C11orf65: variants seen among roughly 807,000 people sequenced by gnomAD.
C11orf65 encodes chromosome 11 open reading frame 65.
A neutral mutation model predicts 35.3 loss-of-function variants in C11orf65; 38 were observed. The ratio of observed to expected loss-of-function variants is 1.08; its 90% CI spans 0.83 to 1.41. C11orf65 has a LOEUF of 1.41. Among genes scored for constraint, C11orf65 ranks in the 40% most tolerant of loss-of-function variants. The pLI is 0.00. For missense variants in C11orf65, 370 were observed against 367.1 expected (o/e 1.01, Z -0.06); for synonymous variants, 105 against 114.4 (o/e 0.92, Z 0.53).
At chr11:108,324,689 A>C (rs2085480969) in intron 6 of C11orf65, among the ~76,000 whole-genome samples, 1 of 152,000 alleles carries the variant, frequency 6.6e-6, no homozygotes, top group African/African-American at 2.4e-5. Flanking sequence ...CCTCTTTCTT[A>C]TTTCTTTCAA....
chr11:108,385,856 C>A (rs1052375169), intron 8 of C11orf65, 64 bp downstream of exon 8: 9 of 1,296,252 alleles, frequency 6.9e-6, no homozygotes, highest in Non-Finnish European at 7.8e-6. Context: ...CCTAGAAATA[C>A]GTGTGTGGAA....
At chr11:108,354,266 A>G (rs571473698) in intron 2 of C11orf65, among the ~76,000 whole-genome samples, 1 of 152,286 alleles carries the variant, frequency 6.6e-6, no homozygotes, top group South Asian at 2.1e-4. Flanking sequence ...TGTTATTCCA[A>G]ACCTCCTCTG....
Position 108,325,538 on chromosome 11 carries a change from C to T in C11orf65, c.641-16467G>A, listed in dbSNP as rs1591130210. On this transcript the variant is annotated intron_variant, in intron 6 of 6. Coordinates refer to the C11orf65 transcript ENST00000525729. The stretch of plus-strand genomic sequence containing the variant: ...CTATACTGGCCAGAACTTTCAAGAA[C>T]ACTCAGGTAAATACAATTTAAAACT... The T allele has an allele frequency of 2.5e-6, 4 of 1,598,316 alleles. No individual in the cohort carries two copies. The highest frequency in any genetic ancestry group is 2.6e-6 in the Non-Finnish European group (3 of 1,168,036).
At chr11:108,388,121 G>C (rs2092056777) in intron 7 of C11orf65, among the ~76,000 whole-genome samples, 1 of 152,168 alleles carries the variant, frequency 6.6e-6, no homozygotes, top group South Asian at 2.1e-4. Flanking sequence ...ACACAGAAAA[G>C]ACTTTCATTC....
At chr11:108,461,597 T>C in intron 1 of C11orf65, 29 bp from the exon 2 acceptor site, 1 of 1,253,346 alleles carries the variant, frequency 8.0e-7, no homozygotes, top group Non-Finnish European at 1.1e-6. Context: ...AAAGGGTACA[T>C]TTAAAATAAT....
At chr11:108,442,957 C>T (rs1003036172) in intron 2 of C11orf65, among the ~76,000 whole-genome samples, 4 of 152,160 alleles carry the variant, frequency 2.6e-5, no homozygotes, top group Non-Finnish European at 4.4e-5. Flanking sequence ...GGATCAAATT[C>T]ACATATAATA....
At chr11:108,324,056 GA>G (rs10708230) in intron 6 of C11orf65, among the ~76,000 whole-genome samples, 151,301 of 152,066 alleles carry the variant, frequency 0.99, 75,279 homozygotes, top group Middle Eastern at 1. Flanking sequence ...AAAAATATTT[GA>G]AAAAAAAATT....
At chr11:108,419,958 C>G (rs2092791601) in intron 3 of C11orf65, among the ~76,000 whole-genome samples, 1 of 152,018 alleles carries the variant, frequency 6.6e-6, no homozygotes, top group South Asian at 2.1e-4. Flanking sequence ...AAGGCAAAAA[C>G]AAAACTCATT....
rs763287238 is a variant in C11orf65, at chr11:108,326,230, GT to G, written c.641-17160del. The G allele has an allele frequency of 7.4e-6, 12 of 1,610,744 alleles. No individual in the cohort carries two copies. The highest frequency in any genetic ancestry group is 6.7e-5 in the African/African-American group (5 of 74,814). Reference sequence around the variant, plus strand: ...TTGGATGCCAGCTGTGCAGCGGTTTGTTTTTTTTATTGGCTGGATTAGTGTT... The same window carrying G: ...TTGGATGCCAGCTGTGCAGCGGTTTGTTTTTTTATTGGCTGGATTAGTGTT... On this transcript the variant is annotated intron_variant, in intron 6 of 6. Coordinates refer to the C11orf65 transcript ENST00000525729.
At chr11:108,392,521 A>G (rs1026194216) in intron 7 of C11orf65, among the ~76,000 whole-genome samples, 1 of 152,110 alleles carries the variant, frequency 6.6e-6, no homozygotes, top group East Asian at 1.9e-4. Context: ...TCTTGGGTAT[A>G]TATCTAGGAG....
At chr11:108,433,240 T>A (rs1408462564) in intron 2 of C11orf65, among the ~76,000 whole-genome samples, 3 of 148,956 alleles carry the variant, frequency 2.0e-5, no homozygotes, top group East Asian at 2.0e-4. Context: ...TAAAAAAAAA[T>A]TTATATATAT....
chr11:108,427,796 T>G (rs904862920), intron 3 of C11orf65, among the ~76,000 whole-genome samples: 1 of 139,558 alleles, frequency 7.2e-6, no homozygotes, highest in Non-Finnish European at 1.5e-5. Flanking sequence ...CAAAATGAGA[T>G]ACCATCTCAC....
chr11:108,437,110 A>AAAG (rs35610227), intron 2 of C11orf65, among the ~76,000 whole-genome samples: 1,990 of 101,500 alleles, frequency 0.02, 26 homozygotes, highest in Non-Finnish European at 0.028. Flanking sequence ...AAAAAAAAAA[A>AAAG]GGGGGGGGGT....
Position 108,382,977 on chromosome 11 carries a change from T to C in C11orf65, c.*44A>G. 1 of 1,604,736 alleles carries C rather than the reference T, an allele frequency of 6.2e-7. No homozygotes were observed. ...CTATCTCTTGGCTATAACTGATGGA[T>C]GGAAGGCTCAAAGGGCTATAACTCA... On this transcript the variant is annotated 3_prime_UTR_variant, in exon 9 of 9. Transcript: ENST00000393084.
intron 1 of C11orf65, among the ~76,000 whole-genome samples, chr11:108,467,155 G>C: frequency 6.6e-6 from 1 of 152,264 alleles, no homozygotes; most frequent in South Asian, 2.1e-4. Context: ...CTTTGCGGAG[G>C]ATTGGGGTGT....
chr11:108,323,279 CA>C (rs1275336612), intron 6 of C11orf65, among the ~76,000 whole-genome samples: 49 of 152,084 alleles, frequency 3.2e-4, no homozygotes, highest in Admixed American at 3.2e-3. Flanking sequence ...AGTACATTGG[CA>C]GTACTTACTG....
At chr11:108,368,109 G>A (rs907555795) in intron 2 of C11orf65, 1 of 207,332 alleles carries the variant, frequency 4.8e-6, no homozygotes, top group Non-Finnish European at 9.8e-6. Context: ...TTCTGTTCAA[G>A]TATTCTAATC....
At chr11:108,358,256 A>G (rs965470554) in intron 2 of C11orf65, among the ~76,000 whole-genome samples, 12 of 150,150 alleles carry the variant, frequency 8.0e-5, no homozygotes, top group African/African-American at 2.7e-4. Context: ...AAAAGAATAA[A>G]AAGAAATGAG....
chr11:108,373,877 C>T (rs1434337071), intron 2 of C11orf65, among the ~76,000 whole-genome samples: 5 of 152,224 alleles, frequency 3.3e-5, no homozygotes, highest in Admixed American at 6.5e-5. Flanking sequence ...AATTATATCC[C>T]GCACCTGGCT....
Sources: allele counts gnomAD v4.1 joint callset (sites outside exome capture counted in the v4.1 genomes callset), GRCh38; gene constraint gnomAD v4.1.1; transcripts MANE v1.5; gene names NCBI Gene and HGNC (gene_info 2026-07-23, HGNC 2026-07-21).